SYNJ1: variants seen among roughly 807,000 people sequenced by gnomAD.
SYNJ1 encodes the protein polyphosphatidylinositol phosphatase SYNJ1.
In SYNJ1, 78 loss-of-function variants were observed where a neutral mutation model predicts 168.2. That is an observed-to-expected ratio of 0.46 (90% CI 0.39 to 0.56). The LOEUF is 0.56. Among genes scored for constraint, SYNJ1 ranks in the 20% least tolerant of loss-of-function variants. The pLI is 0.00. For missense variants in SYNJ1, 1,303 were observed against 1,597.6 expected (o/e 0.82, Z 3.14); for synonymous variants, 539 against 548.6 (o/e 0.98, Z 0.24).
intron 11 of SYNJ1, among the ~76,000 whole-genome samples, chr21:32,679,422 A>C (rs544018378): frequency 4.6e-5 from 7 of 152,302 alleles, no homozygotes; most frequent in Non-Finnish European, 5.9e-5. Context: ...CCATGCAAAA[A>C]TACATCATAA....
At chr21:32,652,432 C>T (rs1334635880) in intron 22 of SYNJ1, among the ~76,000 whole-genome samples, 2 of 152,146 alleles carry the variant, frequency 1.3e-5, no homozygotes, top group Non-Finnish European at 2.9e-5. Flanking sequence ...AACTCCTGAC[C>T]TCAGGTGATC....
intron 1 of SYNJ1, 161 bp downstream of exon 1, chr21:32,727,767 GCACAACCAGTGGTCTGCT>G (rs1003669946): frequency 1.0e-4 from 137 of 1,319,770 alleles, no homozygotes; most frequent in Non-Finnish European, 1.3e-4. Context: ...GCGGCACCCC[GCACAACCAGTGGTCTGCT>G]CACAACCCCG....
chr21:32,708,935 T>C (rs1489867814), intron 2 of SYNJ1, among the ~76,000 whole-genome samples: 1 of 151,960 alleles, frequency 6.6e-6, no homozygotes, highest in Non-Finnish European at 1.5e-5. Context: ...CTAGGCAAGA[T>C]AGCAAGACCC....
At chr21:32,728,044 G>T (rs1162619042), upstream of SYNJ1, 5 of 1,529,696 alleles carry the variant, frequency 3.3e-6, 1 homozygote, top group South Asian at 2.4e-5. Context: ...TCCGCATTGC[G>T]CCGCGGCCGG....
At chr21:32,683,935 C>T in intron 10 of SYNJ1, 103 bp downstream of exon 10, 4 of 987,566 alleles carry the variant, frequency 4.1e-6, no homozygotes, top group Non-Finnish European at 1.5e-6. Flanking sequence ...TGAAGCATAA[C>T]ATTACATACA....
intron 6 of SYNJ1, among the ~76,000 whole-genome samples, chr21:32,691,222 G>A (rs904608592): frequency 6.6e-6 from 1 of 152,158 alleles, no homozygotes; most frequent in Non-Finnish European, 1.5e-5. Flanking sequence ...ATGCCCCCTT[G>A]TATTGTTCTC....
At chr21:32,657,322 T>C (rs953019589) in intron 19 of SYNJ1, among the ~76,000 whole-genome samples, 1 of 152,214 alleles carries the variant, frequency 6.6e-6, no homozygotes, top group African/African-American at 2.4e-5. Context: ...CTTTATTTAG[T>C]AAAAATTAAG....
chr21:32,677,773 T>A (rs1446948822), intron 12 of SYNJ1, among the ~76,000 whole-genome samples: 1 of 152,148 alleles, frequency 6.6e-6, no homozygotes, highest in Non-Finnish European at 1.5e-5. Flanking sequence ...TCTAAAATAA[T>A]CCATAACTTA....
chr21:32,634,761 T>C (rs971496591), intron 32 of SYNJ1, 100 bp downstream of exon 32: 16 of 1,299,588 alleles, frequency 1.2e-5, no homozygotes, highest in Middle Eastern at 1.9e-4. Context: ...CAGGTGGTTT[T>C]AAAAATGGGT....
intron 2 of SYNJ1, among the ~76,000 whole-genome samples, chr21:32,703,980 C>T (rs191183918): frequency 1.2e-3 from 180 of 152,176 alleles, no homozygotes; most frequent in African/African-American, 4.1e-3. Flanking sequence ...CTGAGCCTCT[C>T]GAAGTGCTAG....
Position 32,645,662 on chromosome 21 carries a change from T to C in SYNJ1, c.3375A>G (p.Arg1125=). 6.6e-7 allele frequency: 1 copy of C among 1,525,122 alleles called. No individual in the cohort carries two copies. The highest frequency in any genetic ancestry group is 8.8e-7 in the Non-Finnish European group (1 of 1,142,318). The allele number at this position is 1,525,122 out of a possible 1,614,324, so 94.5% of individuals were successfully genotyped here. Residue 1125 remains arginine (R), a synonymous_variant, in exon 25 of 33, where the codon AGA becomes AGG. Coordinates refer to ENST00000674351, the MANE Select transcript of SYNJ1 (RefSeq NM_203446.3). The stretch of plus-strand genomic sequence containing the variant: ...GGTTGTCACCTGAAGGCGGAGGAGG[T>C]CTCTGTGGGGGAGCCGGGCGTGTGG... ...APPTRPAPPQ[R]PPPPSGARSP...
At position 32,631,741 on chromosome 21, in the gene SYNJ1, C is replaced by T. The variant is rs1296959160; in HGVS notation, c.*64G>A. The stretch of plus-strand genomic sequence containing the variant: ...GCAAGCAGATTAAATGACAGATCTT[C>T]AAATGGGTCAATCTTTAATGGTGAT... On this transcript the variant is annotated 3_prime_UTR_variant, in exon 33 of 33. Coordinates refer to ENST00000674351, the MANE Select transcript of SYNJ1 (RefSeq NM_203446.3). 2 of 1,614,140 alleles carry T rather than the reference C, an allele frequency of 1.2e-6. No individual in the cohort carries two copies. The highest frequency in any genetic ancestry group is 1.7e-6 in the Non-Finnish European group (2 of 1,180,022).
chr21:32,667,216 C>CT (rs2040973189), intron 15 of SYNJ1, among the ~76,000 whole-genome samples: 1 of 151,954 alleles, frequency 6.6e-6, no homozygotes, highest in Non-Finnish European at 1.5e-5. Flanking sequence ...ATAAGGACAG[C>CT]TAACTGTGCA....
chr21:32,696,770 G>A (rs1247470042), intron 4 of SYNJ1, among the ~76,000 whole-genome samples: 1 of 152,036 alleles, frequency 6.6e-6, no homozygotes, highest in Non-Finnish European at 1.5e-5. Flanking sequence ...AGATAAAAAG[G>A]GTGGTCAGCA....
At chr21:32,661,824 C>T (rs1317390455) in intron 18 of SYNJ1, among the ~76,000 whole-genome samples, 1 of 152,116 alleles carries the variant, frequency 6.6e-6, no homozygotes, top group Non-Finnish European at 1.5e-5. Context: ...GGGGGACTTC[C>T]AGGCACTCCC....
chr21:32,651,718 C>T (rs1485825537), intron 22 of SYNJ1, among the ~76,000 whole-genome samples: 2 of 151,734 alleles, frequency 1.3e-5, no homozygotes, highest in African/African-American at 2.4e-5. Context: ...TTTAGAAGAC[C>T]AAAAAAATAT....
rs759979917 is a variant in SYNJ1, at chr21:32,631,324, A to G, written c.*481T>C. 3 of 1,614,212 alleles carry G rather than the reference A, an allele frequency of 1.9e-6. No individual in the cohort carries two copies. Among genetic ancestry groups the G allele is most frequent in the Non-Finnish European group, 2.5e-6 (3 of 1,180,034 alleles). ...AATGTAGACTGGCCCTGTAGATCAA[A>G]ACTGTCCTTAAAGCCATCAAGTGAA... On this transcript the variant is annotated 3_prime_UTR_variant, in exon 33 of 33. Coordinates refer to ENST00000674351, the MANE Select transcript of SYNJ1 (RefSeq NM_203446.3).
chr21:32,722,660 T>C (rs1279262454), intron 2 of SYNJ1, among the ~76,000 whole-genome samples: 1 of 152,208 alleles, frequency 6.6e-6, no homozygotes, highest in African/African-American at 2.4e-5. Context: ...GTCATTCATT[T>C]AATAATCACA....
rs1043584870 is a variant in SYNJ1, at chr21:32,629,975, T to C, written c.*1830A>G. ...CAAAGCACTCAGGGGACAGCTGCTT[T>C]CCCTGCTAAAAGCAAAGTTCCAGAG... is the stretch of plus-strand genomic sequence containing the variant. On this transcript the variant is annotated 3_prime_UTR_variant, in exon 33 of 33. Coordinates refer to ENST00000674351, the MANE Select transcript of SYNJ1 (RefSeq NM_203446.3). 1 of 152,222 alleles carries C rather than the reference T, an allele frequency of 6.6e-6. No homozygotes were observed. The allele number at this position is 152,222 out of a possible 1,614,324, so 9.4% of individuals were successfully genotyped here.
Sources: gnomAD v4.1 joint callset for allele counts (sites outside exome capture counted in the v4.1 genomes callset) on GRCh38, gnomAD v4.1.1 for gene constraint, MANE v1.5 for transcripts, NCBI Gene and HGNC (gene_info 2026-07-23, HGNC 2026-07-21) for gene names.